DUS3L: variants seen among roughly 807,000 people sequenced by gnomAD.
DUS3L encodes the protein dihydrouridine synthase 3 like.
A neutral mutation model predicts 74.6 loss-of-function variants in DUS3L; 62 were observed. The ratio of observed to expected loss-of-function variants is 0.83; its 90% CI spans 0.68 to 1.03. DUS3L has a LOEUF of 1.03. Ranked by LOEUF, DUS3L falls within the 50% of genes least tolerant of loss-of-function variation. The pLI, the probability that DUS3L is intolerant of heterozygous loss-of-function variation, is 0.00. For missense variants in DUS3L, 884 were observed against 924.4 expected, an observed-to-expected ratio of 0.96 and a Z score of 0.57; for synonymous variants, 433 against 395.7, an observed-to-expected ratio of 1.09 and a Z score of -1.12.
chr19:5,788,918 G>A (rs1057429163), intron 3 of DUS3L, among the ~76,000 whole-genome samples: 15 of 152,104 alleles, frequency 9.9e-5, no homozygotes, highest in Non-Finnish European at 1.3e-4. Flanking sequence ...TGATGGCTAG[G>A]CTGGTTTTGA....
chr19:5,788,456 C>A, intron 3 of DUS3L, 58 bp from the exon 4 acceptor site: 1 of 1,567,318 alleles, frequency 6.4e-7, no homozygotes, highest in East Asian at 2.4e-5. Flanking sequence ...CTGCTGAGGC[C>A]CTGGAGCCTC....
Position 5,788,165 on chromosome 19 carries a change from C to T in DUS3L, c.954G>A (p.Leu318=). 6.2e-7 allele frequency: 1 copy of T among 1,613,490 alleles called. No homozygotes were observed. The highest frequency in any genetic ancestry group is 8.5e-7 in the Non-Finnish European group (1 of 1,180,036). Residue 318 remains leucine, a synonymous_variant, in exon 5 of 13, where the codon CTG becomes CTA. Transcript: ENST00000309061. ...AGCGCTTGCAGATCCGTCGGAAGGG[C>T]AGGTTCCCACACTGCGGGGGGAGCA... The part of the protein sequence containing the change: ...YLAPLTTCGN[L]PFRRICKRFG...
In DUS3L at chr19:5,789,631, C is replaced by A; in HGVS notation, c.476G>T (p.Gly159Val). Residue 159 changes from glycine to valine, a missense_variant, in exon 3 of 13, where the codon GGC becomes GTC. Transcript: ENST00000309061. ...RYLETKPADL[G>V]PRCVLFETFG... ...GGTCTCGAAGAGCACGCAGCGGGGG[C>A]CCAGGTCGGCCGGCTTGGTCTCCAG... 6.2e-7 allele frequency: 1 copy of A among 1,603,894 alleles called. No individual in the cohort carries two copies. The highest frequency in any genetic ancestry group is 8.5e-7 in the Non-Finnish European group (1 of 1,176,604).
Position 5,786,864 on chromosome 19 carries a change from C to T in DUS3L, c.1390-19G>A, listed in dbSNP as rs367768035. On this transcript the variant is annotated intron_variant, in intron 8 of 12. Coordinates refer to ENST00000309061, the MANE Select transcript of DUS3L (RefSeq NM_020175.3). Reference sequence around the variant, plus strand: ...CGTGGAGCTGGGGGAGAAGCCGCCACGCAGGGTAGGAGGCAGAGAGTGAGA... The same window carrying T: ...CGTGGAGCTGGGGGAGAAGCCGCCATGCAGGGTAGGAGGCAGAGAGTGAGA... 254 of 1,597,234 alleles carry T rather than the reference C, an allele frequency of 1.6e-4. 1 individual carries two copies. The highest frequency in any genetic ancestry group is 7.0e-4 in the Admixed American group (40 of 57,260).
chr19:5,787,761 A>C (rs2056868363), intron 5 of DUS3L, 56 bp from the exon 6 acceptor site: 3 of 1,577,852 alleles, frequency 1.9e-6, no homozygotes, highest in East Asian at 2.2e-5. Context: ...AACTGTCCCC[A>C]CTTGGCCGTT....
chr19:5,785,609 A>AG lies in DUS3L; in HGVS notation c.1744dup (p.Leu582ProfsTer?). 6.2e-7 allele frequency: 1 copy of AG among 1,605,344 alleles called. No homozygotes were observed. Among genetic ancestry groups the AG allele is most frequent in the Non-Finnish European group, 8.5e-7 (1 of 1,175,612 alleles). ...AGCCAGCCCCGGTGCCCACCGGCACAGGAAGGACAGCCACTCGAGCAGAAA... is the reference window on the plus strand; with the variant it reads ...AGCCAGCCCCGGTGCCCACCGGCACAGGGAAGGACAGCCACTCGAGCAGAAA... On this transcript the variant is annotated frameshift_variant, in exon 11 of 13. Transcript: ENST00000309061. LOFTEE classifies it high-confidence loss of function.
intron 5 of DUS3L, 90 bp downstream of exon 5, chr19:5,787,934 G>A: frequency 6.4e-7 from 1 of 1,558,048 alleles, no homozygotes; most frequent in South Asian, 1.2e-5. Context: ...CAGGGGGTCA[G>A]GGAGGCAACC....
At chr19:5,787,013 G>T (rs368157609) in intron 8 of DUS3L, 48 bp downstream of exon 8, 1 of 1,501,450 alleles carries the variant, frequency 6.7e-7, no homozygotes, top group South Asian at 1.3e-5. Flanking sequence ...AGGAAGGGAC[G>T]CGGGGTCGAC....
rs1338497640 is a variant in DUS3L at position 5,788,916 on chromosome 19, A to G, written c.900+291T>C. ...GAGATAGGGTTTCACCATGATGGCTAGGCTGGTTTTGAACTCCCGACTTCA... is the reference window on the plus strand; with the variant it reads ...GAGATAGGGTTTCACCATGATGGCTGGGCTGGTTTTGAACTCCCGACTTCA... On this transcript the variant is annotated intron_variant, in intron 3 of 12. Transcript: ENST00000309061. Among the ~76,000 whole-genome samples, 5 of 152,260 alleles carry G rather than the reference A, an allele frequency of 3.3e-5. No individual in the cohort carries two copies. In the East Asian group the frequency reaches 9.7e-4, roughly 29 times the overall value.
intron 8 of DUS3L, 106 bp from the exon 9 acceptor site, chr19:5,786,951 A>C: frequency 6.7e-7 from 1 of 1,492,000 alleles, no homozygotes; most frequent in Non-Finnish European, 8.9e-7. Context: ...ACAGGCGGAG[A>C]CAGAGGGAGG....
rs746093606 is a variant in DUS3L at position 5,788,137 on chromosome 19, C to G, written c.982G>C (p.Gly328Arg). The G allele has an allele frequency of 2.2e-5, 35 of 1,613,534 alleles. No homozygotes were observed. The Admixed American group carries it at 5.0e-4, about 23-fold the overall frequency. The change falls in exon 5 of 13, where the codon GGG (glycine) becomes CGG (arginine). Residue 328 changes from glycine to arginine, a missense_variant. Transcript: ENST00000309061. ...ATCTCTCCACATGTCACATCCGCCC[C>G]GAAGCGCTTGCAGATCCGTCGGAAG... is the stretch of plus-strand genomic sequence containing the variant. ...LPFRRICKRF[G>R]ADVTCGEMAV...
rs753783217 is a variant in DUS3L, at chr19:5,790,182, G to A, written c.252C>T (p.Asp84=). 5.0e-6 allele frequency: 8 copies of A among 1,614,000 alleles called. No individual in the cohort carries two copies. Among genetic ancestry groups the A allele is most frequent in the East Asian group, 4.5e-5 (2 of 44,882 alleles). Residue 84 remains aspartate, a synonymous_variant, in exon 2 of 13, where the codon GAC becomes GAT. Coordinates refer to ENST00000309061, the MANE Select transcript of DUS3L (RefSeq NM_020175.3). ...RIRLEDGQTA[D]GQTEEAAEPG... ...GCTCTGCTGCCTCCTCCGTCTGCCC[G>A]TCCGCCGTCTGTCCATCCTCCAGTC...
In DUS3L at chr19:5,787,426, C is replaced by G. The variant is rs2056864714; in HGVS notation, c.1213-65G>C. ...GCTGACCCAAGACCCCTCACCCCTG[C>G]TGCCCGGAGGCCCCCACCAGGAGAC... On this transcript the variant is annotated intron_variant, in intron 6 of 12. Transcript: ENST00000309061. The G allele has an allele frequency of 4.4e-6, 7 of 1,574,958 alleles. No homozygotes were observed. In the South Asian group the frequency reaches 6.7e-5, roughly 15 times the overall value.
intron 2 of DUS3L, 29 bp downstream of exon 2, chr19:5,790,018 G>C (rs367825548): frequency 4.4e-6 from 7 of 1,607,068 alleles, no homozygotes; most frequent in Non-Finnish European, 6.0e-6. Flanking sequence ...TGCCTGCCCC[G>C]GCAGGAATGC....
chr19:5,788,230 C>G (rs755426718), intron 4 of DUS3L, 54 bp from the exon 5 acceptor site: 20 of 1,609,998 alleles, frequency 1.2e-5, no homozygotes, highest in South Asian at 4.4e-5. Context: ...CACACACACA[C>G]ACACAGCAGA....
At chr19:5,789,009 G>T in intron 3 of DUS3L, 198 bp downstream of exon 3, 4 of 714,606 alleles carry the variant, frequency 5.6e-6, no homozygotes, top group Non-Finnish European at 8.1e-6. Flanking sequence ...CCCCGGCCCT[G>T]TCCAGCTCTT....
chr19:5,787,346 G>A lies in DUS3L; in HGVS notation c.1228C>T (p.Leu410Phe). 2 of 1,583,270 alleles carry A rather than the reference G, an allele frequency of 1.3e-6. No individual in the cohort carries two copies. Among genetic ancestry groups the A allele is most frequent in the Non-Finnish European group, 8.6e-7 (1 of 1,167,192 alleles). The change falls in exon 7 of 13, where the codon CTC becomes TTC. Residue 410 changes from leucine (L) to phenylalanine (F), a missense_variant. Coordinates refer to ENST00000309061, the MANE Select transcript of DUS3L (RefSeq NM_020175.3). ...LVYKKGGGCALMNRSTKFQQI... is the reference protein window; with the variant it reads ...LVYKKGGGCAFMNRSTKFQQI... ...TGGAACTTGGTGGAGCGATTCATGA[G>A]GGCACAGCCCCCACCCTGGAAGAGA...
At position 5,785,807 on chromosome 19, in the gene DUS3L, C is replaced by G; in HGVS notation, c.1563-16G>C. 6.4e-7 allele frequency: 1 copy of G among 1,563,622 alleles called. No homozygotes were observed. The highest frequency in any genetic ancestry group is 8.7e-7 in the Non-Finnish European group (1 of 1,154,188). On this transcript the variant is annotated splice_polypyrimidine_tract_variant and intron_variant, in intron 10 of 12. Coordinates refer to ENST00000309061, the MANE Select transcript of DUS3L (RefSeq NM_020175.3). ...CAGGGCGCCACTGTGGGACGGGTGA[C>G]GATCAGTGGGCCCAGCCACCAGCCT...
chr19:5,788,292 A>G, intron 4 of DUS3L, 65 bp downstream of exon 4: 14 of 1,611,824 alleles, frequency 8.7e-6, no homozygotes, highest in Non-Finnish European at 1.1e-5. Context: ...GACAGACACT[A>G]AGCCCTGTTG....
Sources: allele counts gnomAD v4.1 joint callset (sites outside exome capture counted in the v4.1 genomes callset), GRCh38; gene constraint gnomAD v4.1.1; transcripts MANE v1.5; gene names NCBI Gene and HGNC (gene_info 2026-07-23, HGNC 2026-07-21).